PHF24: variants seen among roughly 807,000 people sequenced by gnomAD.
PHF24 encodes Galpha inhibitory interacting protein.
PHF24 carries 25 observed loss-of-function variants against 42.6 expected under a neutral mutation model. That is an observed-to-expected ratio of 0.59 (90% CI 0.43 to 0.82). PHF24 has a LOEUF of 0.82. PHF24 is among the 40% of genes least tolerant of loss of function. The pLI is 0.00. For synonymous variants in PHF24, 185 were observed against 204.8 expected, an observed-to-expected ratio of 0.90 and a Z score of 0.83; for missense variants, 470 against 538.1, an observed-to-expected ratio of 0.87 and a Z score of 1.25.
the PHF24 span, among the ~76,000 whole-genome samples, chr9:34,770,537 G>A: frequency 0.022 from 3,270 of 152,056 alleles, 119 homozygotes; most frequent in African/African-American, 0.072. Flanking sequence ...TCACATTTAA[G>A]TCTGTCTTGA....
the PHF24 span, chr9:34,833,564 G>A: frequency 6.4e-7 from 1 of 1,551,444 alleles, no homozygotes; most frequent in Non-Finnish European, 8.7e-7. Flanking sequence ...TTGTTCCCTG[G>A]ACTTCCTTGC....
chr9:34,970,244 C>T (rs150178051), intron 1 of PHF24, among the ~76,000 whole-genome samples: 2 of 152,262 alleles, frequency 1.3e-5, no homozygotes, highest in African/African-American at 2.4e-5. Context: ...CCTCACTGTC[C>T]AATGCTGTGC....
the PHF24 span, among the ~76,000 whole-genome samples, chr9:34,855,947 T>A: frequency 6.6e-6 from 1 of 152,220 alleles, no homozygotes; most frequent in African/African-American, 2.4e-5. Context: ...TAATCCCATA[T>A]TTCTCAGAGA....
chr9:34,787,596 A>G, the PHF24 span, among the ~76,000 whole-genome samples: 1 of 152,236 alleles, frequency 6.6e-6, no homozygotes, highest in African/African-American at 2.4e-5. Flanking sequence ...AGGTAAGGGC[A>G]GCTATTTCTT....
At chr9:34,700,908 C>T in the PHF24 span, among the ~76,000 whole-genome samples, 1 of 152,122 alleles carries the variant, frequency 6.6e-6, no homozygotes, top group Non-Finnish European at 1.5e-5. Context: ...GTGTTTAAGG[C>T]ACCTACCCAC....
chr9:34,719,737 T>C, the PHF24 span, among the ~76,000 whole-genome samples: 1 of 152,136 alleles, frequency 6.6e-6, no homozygotes, highest in African/African-American at 2.4e-5. Context: ...CCCTCCTGAG[T>C]CAATTCCCTT....
chr9:34,976,482 T>A, intron 4 of PHF24, 53 bp from the exon 5 acceptor site: 1 of 1,564,416 alleles, frequency 6.4e-7, no homozygotes. Flanking sequence ...GTGATGGAGG[T>A]GCCCTGAGGC....
chr9:34,667,363 A>G, the PHF24 span, among the ~76,000 whole-genome samples: 1 of 151,908 alleles, frequency 6.6e-6, no homozygotes, highest in Non-Finnish European at 1.5e-5. Flanking sequence ...TGAGCCACAT[A>G]CAGAGAGCAG....
At chr9:34,936,297 C>G in the PHF24 span, among the ~76,000 whole-genome samples, 1 of 152,242 alleles carries the variant, frequency 6.6e-6, no homozygotes, top group Non-Finnish European at 1.5e-5. Flanking sequence ...TCTCCAGCTC[C>G]TAACCGCGAG....
the PHF24 span, among the ~76,000 whole-genome samples, chr9:34,935,980 T>C: frequency 6.6e-6 from 1 of 150,552 alleles, no homozygotes; most frequent in Non-Finnish European, 1.5e-5. Flanking sequence ...GTATCTAGGG[T>C]GAATAAGAGT....
the PHF24 span, among the ~76,000 whole-genome samples, chr9:34,738,242 T>C: frequency 6.6e-6 from 1 of 152,196 alleles, no homozygotes; most frequent in East Asian, 1.9e-4. Context: ...GATAATAATA[T>C]TGTAATTGTT....
the PHF24 span, among the ~76,000 whole-genome samples, chr9:34,744,026 T>C: frequency 6.6e-6 from 1 of 152,330 alleles, no homozygotes; most frequent in East Asian, 1.9e-4. Context: ...GCATTAATCC[T>C]TTCATGAGGG....
At chr9:34,747,240 C>A in the PHF24 span, among the ~76,000 whole-genome samples, 1 of 151,994 alleles carries the variant, frequency 6.6e-6, no homozygotes, top group Non-Finnish European at 1.5e-5. Context: ...CACAGCAAGA[C>A]CCTGTCTCTA....
the PHF24 span, among the ~76,000 whole-genome samples, chr9:34,751,365 C>CA: frequency 2.6e-5 from 4 of 151,358 alleles, no homozygotes; most frequent in East Asian, 1.9e-4. Context: ...AACTCTGTCT[C>CA]AAAAAAAATA....
At chr9:34,731,365 A>AG in the PHF24 span, among the ~76,000 whole-genome samples, 2 of 152,204 alleles carry the variant, frequency 1.3e-5, no homozygotes, top group Non-Finnish European at 2.9e-5. Flanking sequence ...ATCAAATACT[A>AG]GGTCTTATTT....
chr9:34,766,212 G>A, the PHF24 span, among the ~76,000 whole-genome samples: 30 of 152,116 alleles, frequency 2.0e-4, no homozygotes, highest in African/African-American at 7.0e-4. Flanking sequence ...TATCTTTGTG[G>A]TGTTCTCTGT....
the PHF24 span, among the ~76,000 whole-genome samples, chr9:34,676,005 G>A: frequency 6.6e-6 from 1 of 152,214 alleles, no homozygotes; most frequent in African/African-American, 2.4e-5. Flanking sequence ...TCCCAATGTA[G>A]GTGGGGCGGG....
the PHF24 span, among the ~76,000 whole-genome samples, chr9:34,756,791 G>A: frequency 6.6e-6 from 1 of 152,084 alleles, no homozygotes; most frequent in South Asian, 2.1e-4. Context: ...TGACTCTGTA[G>A]ATCACTCTGG....
the PHF24 span, among the ~76,000 whole-genome samples, chr9:34,776,126 C>T: frequency 2.6e-5 from 4 of 152,142 alleles, no homozygotes; most frequent in South Asian, 2.1e-4. Context: ...CGGGAATCAC[C>T]GGAGTTTCTC....
Sources: allele counts gnomAD v4.1 joint callset (sites outside exome capture counted in the v4.1 genomes callset), GRCh38; gene constraint gnomAD v4.1.1; transcripts MANE v1.5; gene names NCBI Gene and HGNC (gene_info 2026-07-23, HGNC 2026-07-21).